The following ARHGEF2 variants were observed in gnomAD, a reference collection of about 807,000 sequenced individuals.
ARHGEF2 encodes Rho/Rac guanine nucleotide exchange factor 2.
A neutral mutation model predicts 121.0 loss-of-function variants in ARHGEF2; 22 were observed. That is an observed-to-expected ratio of 0.18 (90% CI 0.13 to 0.26). ARHGEF2 has a LOEUF of 0.26. ARHGEF2 is among the 10% of genes least tolerant of loss of function. The pLI is 1.00. For missense variants in ARHGEF2, 907 were observed against 1,336.0 expected, an observed-to-expected ratio of 0.68 and a Z score of 5.01; for synonymous variants, 487 against 530.0, an observed-to-expected ratio of 0.92 and a Z score of 1.11.
rs552204328 is a variant in ARHGEF2 at position 155,958,769 on chromosome 1, G to A, written c.1469-373C>T. Among the ~76,000 whole-genome samples, 4 of 151,660 alleles carry A rather than the reference G, an allele frequency of 2.6e-5. No homozygotes were observed. In the South Asian group the frequency reaches 8.3e-4, roughly 32 times the overall value. ...AATTTTGTATTTTTAGTAGAGACGG[G>A]GTTTCACCATGTTGGTCAGGCTGGT... On this transcript the variant is annotated intron_variant, in intron 11 of 21. Transcript: ENST00000361247.
At chr1:155,976,717 G>GC (rs1558056327) in intron 1 of ARHGEF2, among the ~76,000 whole-genome samples, 1 of 137,582 alleles carries the variant, frequency 7.3e-6, no homozygotes, top group South Asian at 2.4e-4. Flanking sequence ...AACCTCCCCC[G>GC]CCCCCCTTGG....
In ARHGEF2 at chr1:155,965,013, C is replaced by T; in HGVS notation, c.699G>A (p.Val233=). The T allele has an allele frequency of 6.2e-7, 1 of 1,614,066 alleles. No individual in the cohort carries two copies. The highest frequency in any genetic ancestry group is 1.1e-5 in the South Asian group (1 of 91,078). The change falls in exon 7 of 22, where the codon GTG becomes GTA. Residue 233 remains valine, a synonymous_variant. Coordinates refer to ENST00000361247, the MANE Select transcript of ARHGEF2 (RefSeq NM_001162383.2). This position sits in a 1 kb window ranked among gnomAD's most constrained non-coding sequence, Gnocchi z 6.0. ...CATAGATGACATCTTGCTGCTTCAT[C>T]ACCTCCTTTTTATGCTGCTGCAGGA... The part of the protein sequence containing the change: ...SSFLQQHKKE[V]MKQQDVIYEL...
rs184660562 is a variant in ARHGEF2 at position 155,954,217 on chromosome 1, T to C, written c.1783+685A>G. On this transcript the variant is annotated intron_variant, in intron 14 of 21. Transcript: ENST00000361247. Reference sequence around the variant, plus strand: ...GTCTCGAACTCCTGACCTCAAGAGATCCTCCTGTCTCCCAAATCCTTCTGG... The same window carrying C: ...GTCTCGAACTCCTGACCTCAAGAGACCCTCCTGTCTCCCAAATCCTTCTGG... Among the ~76,000 whole-genome samples the C allele has an allele frequency of 1.3e-3, 202 of 150,332 alleles. 2 individuals are homozygous for C. The highest frequency in any genetic ancestry group is 4.7e-3 in the African/African-American group (194 of 41,150).
chr1:155,970,893 A>G, intron 1 of ARHGEF2: 1 of 986,028 alleles, frequency 1.0e-6, no homozygotes, highest in Non-Finnish European at 1.2e-6. Context: ...TCTTGGGGTC[A>G]ATCCCTTCTC....
At chr1:155,958,430 A>C in intron 11 of ARHGEF2, 34 bp from the exon 12 acceptor site, 1 of 1,568,506 alleles carries the variant, frequency 6.4e-7, no homozygotes, top group Non-Finnish European at 8.8e-7. Context: ...AACAGTCAGC[A>C]CTAGACGGTC....
chr1:155,967,561 C>T (rs1333137526), intron 2 of ARHGEF2, among the ~76,000 whole-genome samples: 1 of 152,142 alleles, frequency 6.6e-6, no homozygotes, highest in African/African-American at 2.4e-5. Flanking sequence ...AGCTCCAAGG[C>T]TGATTGATGG....
chr1:155,955,827 T>C (rs1464236129), intron 13 of ARHGEF2, among the ~76,000 whole-genome samples: 1 of 152,042 alleles, frequency 6.6e-6, no homozygotes, highest in Non-Finnish European at 1.5e-5. Context: ...GTGATTCTCC[T>C]GCCTCAGTCT....
chr1:155,969,459 G>A, intron 1 of ARHGEF2, 159 bp from the exon 2 acceptor site: 1 of 1,458,554 alleles, frequency 6.9e-7, no homozygotes, highest in Non-Finnish European at 9.1e-7. Flanking sequence ...CTGGGTGTCA[G>A]AGGCAGCTGT....
Position 155,978,290 on chromosome 1 carries a change from G to T in ARHGEF2, c.63+75C>A. The T allele has an allele frequency of 7.2e-7, 1 of 1,392,558 alleles. No homozygotes were observed. Among genetic ancestry groups the T allele is most frequent in the Non-Finnish European group, 9.5e-7 (1 of 1,049,296 alleles). The allele number at this position is 1,392,558 out of a possible 1,614,324, so 86.3% of individuals were successfully genotyped here. A position where few individuals can be genotyped will look rare whatever the true frequency, so the allele number is the denominator to read the frequency against. ...GCCCAGAAAGCAGGCGGGGAGACAGGAGATGCACCGCGGGTGCCGGGGTTC... is the reference window on the plus strand; with the variant it reads ...GCCCAGAAAGCAGGCGGGGAGACAGTAGATGCACCGCGGGTGCCGGGGTTC... On this transcript the variant is annotated intron_variant, in intron 1 of 21. Transcript: ENST00000361247. The surrounding 1 kb of genome is among the most constrained non-coding windows in gnomAD (Gnocchi z 4.1).
At chr1:155,972,367 G>A (rs746429381) in intron 1 of ARHGEF2, 4 of 454,466 alleles carry the variant, frequency 8.8e-6, no homozygotes, top group Non-Finnish European at 4.4e-6. Context: ...GCACTGCCTA[G>A]TGCTATTGTC....
chr1:155,961,740 A>G lies in ARHGEF2; in HGVS notation c.1389T>C (p.Phe463=), dbSNP rs1228495378. Residue 463 remains phenylalanine (F), a synonymous_variant, in exon 11 of 22, where the codon TTT becomes TTC. Transcript: ENST00000361247. The surrounding 1 kb of genome is among the most constrained non-coding windows in gnomAD (Gnocchi z 4.7). ...AQTPVPGKGP[F]GREELLRRKL... ...TGCGCCTCAGAAGTTCCTCTCGGCCAAAGGGGCCCTTGCCAGGCACTGGGG... is the reference window on the plus strand; with the variant it reads ...TGCGCCTCAGAAGTTCCTCTCGGCCGAAGGGGCCCTTGCCAGGCACTGGGG... 6.2e-7 allele frequency: 1 copy of G among 1,614,190 alleles called. No individual in the cohort carries two copies.
At chr1:155,978,617 G>A (rs1209099047), upstream of ARHGEF2, 9 of 1,253,660 alleles carry the variant, frequency 7.2e-6, no homozygotes, top group Non-Finnish European at 9.0e-6. The surrounding 1 kb of genome is among the most constrained non-coding windows in gnomAD (Gnocchi z 4.1). Context: ...CAGGAAGGGG[G>A]TAGGCGGAGC....
At position 155,965,554 on chromosome 1, in the gene ARHGEF2, G is replaced by T; in HGVS notation, c.470+77C>A. Reference sequence around the variant, plus strand: ...GTCTACAGTTCTGAACTCAGGGATGGAAAGGGACCTCTCAGCACCCCCTTG... The same window carrying T: ...GTCTACAGTTCTGAACTCAGGGATGTAAAGGGACCTCTCAGCACCCCCTTG... On this transcript the variant is annotated intron_variant, in intron 5 of 21. Coordinates refer to ENST00000361247, the MANE Select transcript of ARHGEF2 (RefSeq NM_001162383.2). The surrounding 1 kb of genome is among the most constrained non-coding windows in gnomAD (Gnocchi z 6.0). The T allele has an allele frequency of 6.2e-7, 1 of 1,607,878 alleles. No individual in the cohort carries two copies. The highest frequency in any genetic ancestry group is 2.2e-5 in the East Asian group (1 of 44,860).
At chr1:155,975,186 G>A (rs1001599961) in intron 1 of ARHGEF2, among the ~76,000 whole-genome samples, 1 of 152,158 alleles carries the variant, frequency 6.6e-6, no homozygotes, top group African/African-American at 2.4e-5. Context: ...GCTGACCACT[G>A]TTCAAAACAG....
chr1:155,970,988 TCTCAGGGTCTCCCTCCTAGG>T, intron 1 of ARHGEF2: 1 of 986,250 alleles, frequency 1.0e-6, no homozygotes, highest in Non-Finnish European at 1.2e-6. Context: ...TCCCTTCTCT[TCTCAGGGTCTCCCTCCTAGG>T]CTCCTCCCGC....
intron 3 of ARHGEF2, 124 bp downstream of exon 3, chr1:155,966,696 G>T: frequency 8.3e-7 from 1 of 1,203,974 alleles, no homozygotes; most frequent in Admixed American, 1.7e-5. Context: ...TGAGGGTCTG[G>T]GCTGCCCCTT....
chr1:155,958,015 T>G, intron 12 of ARHGEF2, 133 bp from the exon 13 acceptor site: 1 of 918,002 alleles, frequency 1.1e-6, no homozygotes, highest in East Asian at 2.7e-5. Context: ...AGCCAGGCAC[T>G]GGTGCCAGCC....
rs1358333583 is a variant in ARHGEF2 at position 155,962,739 on chromosome 1, G to T, written c.976-21C>A. The T allele has an allele frequency of 6.2e-7, 1 of 1,613,972 alleles. No homozygotes were observed. Among genetic ancestry groups the T allele is most frequent in the Admixed American group, 1.7e-5 (1 of 60,016 alleles). ...GAGAACTAGAAGTTGGTCGAGTAAG[G>T]TTAGGTCAGCATTCCCCCAAAGCCA... On this transcript the variant is annotated intron_variant, in intron 8 of 21. Transcript: ENST00000361247. The surrounding 1 kb of genome is among the most constrained non-coding windows in gnomAD (Gnocchi z 5.8).
rs368444093 is a variant in ARHGEF2 at position 155,962,966 on chromosome 1, G to A, written c.942C>T (p.Val314=). ...ALCPGSTRNF[V]IHRLGDLLIS... ...TGAGCAGATCACCCAAGCGATGGAT[G>A]ACAAAGTTCCGGGTGCTGCCAGGGC... The change falls in exon 8 of 22, where the codon GTC becomes GTT. Residue 314 remains valine, a synonymous_variant. Coordinates refer to ENST00000361247, the MANE Select transcript of ARHGEF2 (RefSeq NM_001162383.2). The surrounding 1 kb of genome is among the most constrained non-coding windows in gnomAD (Gnocchi z 5.8). The A allele has an allele frequency of 3.1e-5, 50 of 1,614,052 alleles. No individual in the cohort carries two copies. Among genetic ancestry groups the A allele is most frequent in the Middle Eastern group, 1.6e-4 (1 of 6,084 alleles).
Sources: allele counts gnomAD v4.1 joint callset (sites outside exome capture counted in the v4.1 genomes callset), GRCh38; gene constraint gnomAD v4.1.1; non-coding constraint Gnocchi (gnomAD v3.1); transcripts MANE v1.5; gene names NCBI Gene and HGNC (gene_info 2026-07-23, HGNC 2026-07-21).